C9orf85: variants seen among roughly 807,000 people sequenced by gnomAD.
The protein encoded by C9orf85 is uncharacterized protein C9orf85.
Under a neutral mutation model 14.9 loss-of-function variants are expected in C9orf85, and 16 were observed. That is an observed-to-expected ratio of 1.08 (90% confidence interval 0.73 to 1.63). The LOEUF is 1.63. C9orf85 is among the 40% of genes most tolerant of loss of function. C9orf85 has a pLI of 0.00. For synonymous variants in C9orf85, 45 were observed against 56.8 expected (o/e 0.79, Z 0.93); for missense variants, 172 against 186.1 (o/e 0.92, Z 0.44).
chr9:71,981,426 T>C (rs547996962), intron 3 of C9orf85, among the ~76,000 whole-genome samples: 1 of 152,180 alleles, frequency 6.6e-6, no homozygotes, highest in Non-Finnish European at 1.5e-5. Context: ...AAAAACATCA[T>C]GGAATTGAAC....
At chr9:71,952,005 A>G (rs1353691278) in intron 2 of C9orf85, among the ~76,000 whole-genome samples, 1 of 152,176 alleles carries the variant, frequency 6.6e-6, no homozygotes, top group Non-Finnish European at 1.5e-5. Context: ...GGTACTAGAA[A>G]TATAAATGTT....
intron 2 of C9orf85, among the ~76,000 whole-genome samples, chr9:71,963,265 T>C (rs1388125598): frequency 1.3e-5 from 2 of 152,176 alleles, no homozygotes; most frequent in Non-Finnish European, 2.9e-5. Flanking sequence ...CTTTCAGAGA[T>C]TACATTGTTA....
At chr9:71,974,073 C>T (rs1822958054), downstream of C9orf85, among the ~76,000 whole-genome samples, 1 of 150,342 alleles carries the variant, frequency 6.7e-6, no homozygotes. Flanking sequence ...ATTACAGGTG[C>T]CCGCCACCAC....
intron 3 of C9orf85, among the ~76,000 whole-genome samples, chr9:71,978,548 C>G (rs1362995482): frequency 6.6e-6 from 1 of 152,108 alleles, no homozygotes; most frequent in South Asian, 2.1e-4. Flanking sequence ...ACTTTATGGG[C>G]CGCATTATGC....
At chr9:71,985,600 G>A (rs1245314364), downstream of C9orf85, 7 of 152,220 alleles carry the variant, frequency 4.6e-5, no homozygotes, top group Non-Finnish European at 1.0e-4. Flanking sequence ...CTTAGCCTTG[G>A]CTGCACATTA....
intron 2 of C9orf85, among the ~76,000 whole-genome samples, chr9:71,961,075 G>A (rs1022781127): frequency 1.3e-5 from 2 of 151,704 alleles, no homozygotes; most frequent in African/African-American, 4.8e-5. Flanking sequence ...ACCACACCCG[G>A]CTATTTTTGT....
intron 1 of C9orf85, among the ~76,000 whole-genome samples, chr9:71,932,259 G>A (rs753379616): frequency 2.7e-5 from 4 of 150,668 alleles, no homozygotes; most frequent in Non-Finnish European, 4.5e-5. Flanking sequence ...GGAAATGGTC[G>A]GGGGAGGAAG....
chr9:71,942,590 T>C (rs760709325), intron 1 of C9orf85, among the ~76,000 whole-genome samples: 1 of 152,128 alleles, frequency 6.6e-6, no homozygotes, highest in Non-Finnish European at 1.5e-5. Context: ...ATTTAAATAA[T>C]GTAGTTTATG....
intron 2 of C9orf85, among the ~76,000 whole-genome samples, chr9:71,967,371 CTGTG>C (rs1822722351): frequency 6.6e-6 from 1 of 152,146 alleles, no homozygotes; most frequent in South Asian, 2.1e-4. Context: ...TTCCATTGAT[CTGTG>C]TGTCCTTTCA....
At chr9:71,912,071 G>T in intron 1 of C9orf85, 1 of 528,032 alleles carries the variant, frequency 1.9e-6, no homozygotes, top group Non-Finnish European at 3.5e-6. Context: ...TGCACAGAGT[G>T]AACAGGACCC....
At chr9:71,973,872 T>TA (rs1822954169), downstream of C9orf85, among the ~76,000 whole-genome samples, 1 of 150,378 alleles carries the variant, frequency 6.6e-6, no homozygotes, top group South Asian at 2.1e-4. Context: ...TTTTTTTTTT[T>TA]AACTCTTCTT....
rs1410736577 is a variant in C9orf85 at position 71,921,939 on chromosome 9, T to C, written c.102+10103T>C. Reference sequence around the variant, plus strand: ...CTTTTTATTTTTTTTTTATTATTATTATTATTATTATTATTATTTTGAAAC... The same window carrying C: ...CTTTTTATTTTTTTTTTATTATTATCATTATTATTATTATTATTTTGAAAC... On this transcript the variant is annotated intron_variant, in intron 1 of 3. Coordinates refer to ENST00000334731, the MANE Select transcript of C9orf85 (RefSeq NM_182505.5). Among the ~76,000 whole-genome samples, 5 of 140,524 alleles carry C rather than the reference T, an allele frequency of 3.6e-5. No individual in the cohort carries two copies. The East Asian group carries it at 1.0e-3, about 29-fold the overall frequency. The allele number at this position is 140,524 out of a possible 152,430, so 92.2% of individuals were successfully genotyped here.
At chr9:71,932,478 C>CA (rs1225361570) in intron 1 of C9orf85, among the ~76,000 whole-genome samples, 9 of 152,128 alleles carry the variant, frequency 5.9e-5, no homozygotes, top group African/African-American at 2.2e-4. Flanking sequence ...GTCTTATAGA[C>CA]ACTAGAGATT....
chr9:71,920,052 T>G (rs1012660504), intron 1 of C9orf85, among the ~76,000 whole-genome samples: 3 of 152,150 alleles, frequency 2.0e-5, no homozygotes. Context: ...GGTTTCACCA[T>G]GCTGGCCAGG....
chr9:71,964,045 G>A (rs1022482876), intron 2 of C9orf85, among the ~76,000 whole-genome samples: 1 of 152,160 alleles, frequency 6.6e-6, no homozygotes, highest in Non-Finnish European at 1.5e-5. Flanking sequence ...CTAGCTCAGG[G>A]ATTGTAAATA....
rs1461163251 is a variant in C9orf85 at position 71,927,826 on chromosome 9, G to T, written c.102+15990G>T. 2.0e-5 allele frequency among the ~76,000 whole-genome samples: 3 copies of T among 152,066 alleles called. No homozygotes were observed. The South Asian group carries it at 6.2e-4, about 32-fold the overall frequency. The stretch of plus-strand genomic sequence containing the variant: ...TTATATAATATAACATTAAAAACAC[G>T]GGGTTTCTCCTCTCTGTAAAAAACA... On this transcript the variant is annotated intron_variant, in intron 1 of 3. Transcript: ENST00000334731.
In C9orf85 at chr9:71,973,004, G is replaced by A. The variant is rs558293098; in HGVS notation, c.*162G>A. 2 of 383,222 alleles carry A rather than the reference G, an allele frequency of 5.2e-6. No individual in the cohort carries two copies. The allele number at this position is 383,222 out of a possible 1,614,324, so 23.7% of individuals were successfully genotyped here. A position where few individuals can be genotyped will look rare whatever the true frequency, so the allele number is the denominator to read the frequency against. On this transcript the variant is annotated 3_prime_UTR_variant, in exon 4 of 4. Coordinates refer to ENST00000334731, the MANE Select transcript of C9orf85 (RefSeq NM_182505.5). ...ACTAAAAGTACAAAAAATTAGCTGGGCGTGGTGGCTCATGCCTGTAATCCC... is the reference window on the plus strand; with the variant it reads ...ACTAAAAGTACAAAAAATTAGCTGGACGTGGTGGCTCATGCCTGTAATCCC...
rs1554705990 is a variant in C9orf85, at chr9:71,921,928, T to TTATTATTA, written c.102+10093_102+10094insATTATTAT. 9.1e-3 allele frequency among the ~76,000 whole-genome samples: 1,038 copies of TTATTATTA among 113,850 alleles called. 13 individuals carry two copies. Among genetic ancestry groups the TTATTATTA allele is most frequent in the African/African-American group, 0.028 (948 of 33,556 alleles). The allele number at this position is 113,850 out of a possible 152,430, so 74.7% of individuals were successfully genotyped here. A position where few individuals can be genotyped will look rare whatever the true frequency, so the allele number is the denominator to read the frequency against. ...GTTTTGGTTGGCTTTTTATTTTTTTTTTATTATTATTATTATTATTATTAT... is the reference window on the plus strand; with the variant it reads ...GTTTTGGTTGGCTTTTTATTTTTTTTTATTATTATTATTATTATTATTATTATTATTAT... On this transcript the variant is annotated intron_variant, in intron 1 of 3. Transcript: ENST00000334731.
At chr9:71,950,776 T>C (rs1822224737) in intron 2 of C9orf85, among the ~76,000 whole-genome samples, 4 of 152,208 alleles carry the variant, frequency 2.6e-5, no homozygotes. Context: ...CCACAAATTG[T>C]GTAACTAAAT....
Sources: gnomAD v4.1 joint callset for allele counts (sites outside exome capture counted in the v4.1 genomes callset) on GRCh38, gnomAD v4.1.1 for gene constraint, MANE v1.5 for transcripts, NCBI Gene and HGNC (gene_info 2026-07-23, HGNC 2026-07-21) for gene names.